KCNU1: variants seen among roughly 807,000 people sequenced by gnomAD.
The protein encoded by KCNU1 is potassium calcium-activated channel subfamily U member 1, also known as potassium channel subfamily U member 1.
KCNU1 carries 93 observed loss-of-function variants against 126.8 expected under a neutral mutation model. That is an observed-to-expected ratio of 0.73 (90% CI 0.62 to 0.87). The LOEUF (loss-of-function observed/expected upper bound fraction) is 0.87, where lower values mean the gene tolerates loss of function less well. Among genes scored for constraint, KCNU1 ranks in the 40% least tolerant of loss-of-function variants. The probability of loss-of-function intolerance (pLI) is 0.00; values close to 1 mark genes in which losing one functional copy is unlikely to be tolerated. For missense variants in KCNU1, 1,330 were observed against 1,367.1 expected, an observed-to-expected ratio of 0.97 and a Z score of 0.43; for synonymous variants, 523 against 494.2, an observed-to-expected ratio of 1.06 and a Z score of -0.77.
chr8:36,836,050 G>A (rs1351263503), intron 12 of KCNU1, among the ~76,000 whole-genome samples: 1 of 152,136 alleles, frequency 6.6e-6, no homozygotes, highest in South Asian at 2.1e-4. Context: ...GGTCTCAGAA[G>A]AACACAGTCT....
At chr8:36,804,494 C>T (rs939031099) in intron 3 of KCNU1, among the ~76,000 whole-genome samples, 5 of 152,276 alleles carry the variant, frequency 3.3e-5, no homozygotes, top group Admixed American at 2.0e-4. Flanking sequence ...CAAGCAACTT[C>T]GGATGGTATT....
intron 23 of KCNU1, among the ~76,000 whole-genome samples, chr8:36,921,659 G>GAAAA (rs58109120): frequency 4.1e-5 from 4 of 97,724 alleles, no homozygotes; most frequent in Non-Finnish European, 6.1e-5. Flanking sequence ...ATGAAGTGAG[G>GAAAA]AAAAAAAAAA....
intron 7 of KCNU1, among the ~76,000 whole-genome samples, chr8:36,811,701 G>C (rs1274721209): frequency 6.6e-6 from 1 of 152,116 alleles, no homozygotes; most frequent in African/African-American, 2.4e-5. Flanking sequence ...GGAGGCCAGG[G>C]GAGGCACATC....
At chr8:36,825,240 G>A (rs994496605) in intron 10 of KCNU1, among the ~76,000 whole-genome samples, 18 of 152,018 alleles carry the variant, frequency 1.2e-4, no homozygotes, top group African/African-American at 3.6e-4. Context: ...TACTAGTGAG[G>A]CCAAGCATCT....
chr8:36,887,452 G>GTTTT (rs138240609), intron 19 of KCNU1, among the ~76,000 whole-genome samples: 4 of 99,288 alleles, frequency 4.0e-5, no homozygotes, highest in Non-Finnish European at 6.5e-5. Flanking sequence ...GTTTTTTTTT[G>GTTTT]TTTTTTTTTT....
At chr8:36,785,424 TC>T (rs1802678647) in intron 1 of KCNU1, among the ~76,000 whole-genome samples, 3 of 152,228 alleles carry the variant, frequency 2.0e-5, no homozygotes, top group African/African-American at 7.2e-5. Context: ...CACCTGTGCA[TC>T]ATAATATTGA....
At chr8:36,922,732 T>G (rs1808403690) in intron 24 of KCNU1, 103 bp downstream of exon 24, 1 of 1,199,204 alleles carries the variant, frequency 8.3e-7, no homozygotes, top group Non-Finnish European at 1.2e-6. Flanking sequence ...CAGTTCTAAG[T>G]TCTCTTTGAT....
intron 3 of KCNU1, 51 bp from the exon 4 acceptor site, chr8:36,805,144 C>A (rs967753968): frequency 2.2e-6 from 3 of 1,345,078 alleles, no homozygotes; most frequent in Non-Finnish European, 3.2e-6. Flanking sequence ...CTTATATAGA[C>A]ACCACTTTAA....
In KCNU1 at chr8:36,895,045, C is replaced by T. The variant is rs117829511; in HGVS notation, c.2010-10663C>T. Among the ~76,000 whole-genome samples the T allele has an allele frequency of 6.6e-5, 10 of 151,968 alleles. No homozygotes were observed. The East Asian group carries it at 1.4e-3, about 21-fold the overall frequency. On this transcript the variant is annotated intron_variant, in intron 19 of 26. Coordinates refer to ENST00000399881, the MANE Select transcript of KCNU1 (RefSeq NM_001031836.3). ...AATCTGAATATCCTGACTTACCCTA[C>T]TACACATCAGTTTAAGAACTTAACA...
intron 24 of KCNU1, among the ~76,000 whole-genome samples, chr8:36,926,377 T>C (rs904091565): frequency 6.6e-6 from 1 of 152,136 alleles, no homozygotes; most frequent in African/African-American, 2.4e-5. Context: ...TCCCTGACAA[T>C]GTTCTGTGCA....
At chr8:36,810,671 A>T (rs375778381) in intron 7 of KCNU1, among the ~76,000 whole-genome samples, 235 of 152,344 alleles carry the variant, frequency 1.5e-3, no homozygotes, top group Middle Eastern at 6.8e-3. Flanking sequence ...TGATGATATC[A>T]TTCAAAGACG....
At chr8:36,875,735 A>G (rs988557379) in intron 19 of KCNU1, among the ~76,000 whole-genome samples, 1 of 152,210 alleles carries the variant, frequency 6.6e-6, no homozygotes, top group African/African-American at 2.4e-5. Context: ...TATTTTTATG[A>G]AAAATATTTT....
intron 19 of KCNU1, among the ~76,000 whole-genome samples, chr8:36,885,565 A>C (rs1806665489): frequency 6.6e-6 from 1 of 152,000 alleles, no homozygotes; most frequent in African/African-American, 2.4e-5. Context: ...AATTAAAAAA[A>C]TAAAAAAAAC....
intron 2 of KCNU1, among the ~76,000 whole-genome samples, chr8:36,792,709 T>C (rs1802947161): frequency 6.6e-6 from 1 of 152,192 alleles, no homozygotes. Flanking sequence ...AAAAATGCTG[T>C]CTATAGATTT....
chr8:36,887,573 G>T (rs555927795), intron 19 of KCNU1, among the ~76,000 whole-genome samples: 1 of 151,462 alleles, frequency 6.6e-6, no homozygotes, highest in South Asian at 2.1e-4. Flanking sequence ...AAACCGGCCA[G>T]AACCAATCCA....
chr8:36,845,803 G>A lies in KCNU1; in HGVS notation c.1795G>A (p.Ala599Thr), dbSNP rs1805123047. Residue 599 changes from alanine (A) to threonine (T), a missense_variant and splice_region_variant, in exon 18 of 27, where the codon GCC (alanine) becomes ACC (threonine). Physicochemically the swap from Ala to Thr is moderately conservative, Grantham distance 58. Coordinates refer to ENST00000399881, the MANE Select transcript of KCNU1 (RefSeq NM_001031836.3). Reference protein sequence around the residue: ...IAETPKDVRRALFYCSVCHDD... With the variant: ...IAETPKDVRRTLFYCSVCHDD... ...TCTTGGTTTTCTTTCATTGTCCAGA[G>A]CCTTGTTTTACTGTTCAGTCTGTCA... 6.2e-7 allele frequency: 1 copy of A among 1,604,626 alleles called. No individual in the cohort carries two copies. The highest frequency in any genetic ancestry group is 8.5e-7 in the Non-Finnish European group (1 of 1,172,570).
intron 16 of KCNU1, among the ~76,000 whole-genome samples, chr8:36,841,524 T>A (rs750418215): frequency 7.2e-5 from 11 of 152,030 alleles, no homozygotes; most frequent in Admixed American, 3.9e-4. Flanking sequence ...AAACCCTGTC[T>A]CTACTAAAAA....
chr8:36,843,865 T>C (rs1585447216), intron 16 of KCNU1, among the ~76,000 whole-genome samples: 1 of 152,174 alleles, frequency 6.6e-6, no homozygotes, highest in African/African-American at 2.4e-5. Context: ...TCTGACCCCA[T>C]CACTTACTGT....
intron 1 of KCNU1, 126 bp from the exon 2 acceptor site, chr8:36,787,180 C>A: frequency 1.3e-6 from 1 of 774,506 alleles, no homozygotes; most frequent in Middle Eastern, 2.9e-4. Context: ...TCAGGGTTCC[C>A]TGGTTTGGAC....
Sources: gnomAD v4.1 joint callset for allele counts (sites outside exome capture counted in the v4.1 genomes callset) on GRCh38, gnomAD v4.1.1 for gene constraint, MANE v1.5 for transcripts, NCBI Gene and HGNC (gene_info 2026-07-23, HGNC 2026-07-21) for gene names.